SCN11A: variants seen among roughly 807,000 people sequenced by gnomAD.
The protein encoded by SCN11A is sodium channel protein type 11 subunit alpha.
SCN11A carries 122 observed loss-of-function variants against 162.2 expected under a neutral mutation model. The observed-to-expected ratio is 0.75, with a 90% CI of 0.65 to 0.87. SCN11A has a LOEUF of 0.87. Ranked by LOEUF, SCN11A falls within the 40% of genes least tolerant of loss-of-function variation. The pLI, the probability that SCN11A is intolerant of heterozygous loss-of-function variation, is 0.00. For missense variants in SCN11A, 2,015 were observed against 2,181.6 expected (o/e 0.92, Z 1.52); for synonymous variants, 758 against 751.5 (o/e 1.01, Z -0.14).
intron 2 of SCN11A, among the ~76,000 whole-genome samples, chr3:38,974,952 A>G (rs1408217046): frequency 6.6e-6 from 1 of 151,060 alleles, no homozygotes; most frequent in Non-Finnish European, 1.5e-5. Context: ...AGGCAACTAG[A>G]TTCTGAAAGC....
chr3:38,925,501 G>A lies in SCN11A; in HGVS notation c.626C>T (p.Ser209Leu). The change falls in exon 9 of 30, where the codon TCA becomes TTA. Residue 209 changes from serine (S) to leucine (L), a missense_variant. Physicochemically the swap from Ser to Leu is moderately radical, Grantham distance 145 (BLOSUM62 -2). Coordinates refer to ENST00000302328, the MANE Select transcript of SCN11A (RefSeq NM_001349253.2). ...TTTGATGGTGATTCCTGGAATATAT[G>A]ACACAATCCTACAAGACAAAGCACA... ...DSIVIGIAIV[S>L]YIPGITIKLL... 1 of 1,610,350 alleles carries A rather than the reference G, an allele frequency of 6.2e-7. No individual in the cohort carries two copies. The highest frequency in any genetic ancestry group is 1.3e-5 in the African/African-American group (1 of 74,942).
At chr3:38,885,515 G>A (rs2126108612) in intron 20 of SCN11A, 113 bp from the exon 21 acceptor site, 1 of 652,382 alleles carries the variant, frequency 1.5e-6, no homozygotes, top group Non-Finnish European at 2.7e-6. Context: ...ACTAGGCAAA[G>A]GTTTCTAGGA....
chr3:38,911,694 C>T (rs2065889514), intron 11 of SCN11A, among the ~76,000 whole-genome samples: 1 of 152,078 alleles, frequency 6.6e-6, no homozygotes, highest in Non-Finnish European at 1.5e-5. Context: ...CTTTTTCCTA[C>T]TTTCGGGGCT....
chr3:39,042,974 A>AAAAAAGAAAAAG (rs1553652698), intron 1 of SCN11A, among the ~76,000 whole-genome samples: 11 of 103,678 alleles, frequency 1.1e-4, no homozygotes, highest in African/African-American at 3.2e-4. Context: ...AAAAAAAAAA[A>AAAAAAGAAAAAG]AAAAAGAAAA....
At chr3:38,987,303 T>TCTCTCTCACA (rs1371432177) in intron 2 of SCN11A, among the ~76,000 whole-genome samples, 1 of 104,400 alleles carries the variant, frequency 9.6e-6, no homozygotes, top group Non-Finnish European at 2.0e-5. Context: ...TCTCTCTCTC[T>TCTCTCTCACA]CACACACACA....
intron 20 of SCN11A, 126 bp downstream of exon 20, chr3:38,885,999 T>G: frequency 1.6e-6 from 1 of 616,222 alleles, no homozygotes; most frequent in Non-Finnish European, 2.9e-6. Context: ...TGGCCTAGAC[T>G]TTTGCTCAAA....
rs1020437896 is a variant in SCN11A at position 38,999,319 on chromosome 3, G to A, written c.-280+33061C>T. 2.9e-4 allele frequency among the ~76,000 whole-genome samples: 44 copies of A among 152,140 alleles called. 1 individual carries two copies. Among genetic ancestry groups the A allele is most frequent in the African/African-American group, 1.0e-3 (43 of 41,432 alleles). On this transcript the variant is annotated intron_variant, in intron 2 of 29. Coordinates refer to ENST00000302328, the MANE Select transcript of SCN11A (RefSeq NM_001349253.2). ...GTTGAATCAAGACTCATTTTGGTGT[G>A]CTTTTTTTCTAAAAAACAAAATTGT...
chr3:38,851,617 T>C (rs767607739), intron 28 of SCN11A, among the ~76,000 whole-genome samples: 25 of 152,330 alleles, frequency 1.6e-4, no homozygotes, highest in East Asian at 1.5e-3. Flanking sequence ...AATTCAGACA[T>C]TGAAATTTTA....
chr3:38,943,698 G>T (rs1310159693), intron 7 of SCN11A, among the ~76,000 whole-genome samples: 1 of 152,110 alleles, frequency 6.6e-6, no homozygotes, highest in Non-Finnish European at 1.5e-5. Context: ...ATTCAGAAAT[G>T]AAAACATTAA....
chr3:39,018,344 G>C (rs2031350391), intron 2 of SCN11A, among the ~76,000 whole-genome samples: 1 of 151,774 alleles, frequency 6.6e-6, no homozygotes, highest in Non-Finnish European at 1.5e-5. Flanking sequence ...GAAAACTCCG[G>C]GTGTTTTTAT....
intron 2 of SCN11A, among the ~76,000 whole-genome samples, chr3:38,969,016 C>T (rs558346831): frequency 1.1e-4 from 17 of 152,216 alleles, no homozygotes; most frequent in Non-Finnish European, 1.9e-4. Flanking sequence ...ATGCCCGTCA[C>T]AGCCCCTACC....
chr3:38,899,849 A>G, intron 17 of SCN11A, 45 bp downstream of exon 17: 1 of 1,537,962 alleles, frequency 6.5e-7, no homozygotes, highest in Non-Finnish European at 8.9e-7. Flanking sequence ...CGTTTTTTCC[A>G]CTTAGGCAGC....
At chr3:38,968,803 C>T (rs1318106461) in intron 2 of SCN11A, among the ~76,000 whole-genome samples, 1 of 152,186 alleles carries the variant, frequency 6.6e-6, no homozygotes, top group African/African-American at 2.4e-5. Flanking sequence ...GTTTCTTCAT[C>T]TAGAAAATGG....
At position 38,866,307 on chromosome 3, in the gene SCN11A, C is replaced by A. The variant is rs192987898; in HGVS notation, c.3951+1014G>T. Among the ~76,000 whole-genome samples, 745 of 152,094 alleles carry A rather than the reference C, an allele frequency of 4.9e-3. 5 individuals carry two copies. Among genetic ancestry groups the A allele is most frequent in the Non-Finnish European group, 6.7e-3 (457 of 67,998 alleles). On this transcript the variant is annotated intron_variant, in intron 27 of 29. Coordinates refer to ENST00000302328, the MANE Select transcript of SCN11A (RefSeq NM_001349253.2). ...GATCTCGGCTTACTGCAACCTCTGC[C>A]TCCCAGGTTCAAGCAATTCTCCTGC...
chr3:38,860,455 C>A (rs565154130), intron 28 of SCN11A, among the ~76,000 whole-genome samples: 3 of 152,210 alleles, frequency 2.0e-5, no homozygotes, highest in South Asian at 2.1e-4. Flanking sequence ...AAACTACAGA[C>A]CAATATTCCT....
At chr3:38,966,139 G>A (rs779495120) in intron 2 of SCN11A, among the ~76,000 whole-genome samples, 4 of 152,156 alleles carry the variant, frequency 2.6e-5, no homozygotes, top group Admixed American at 6.5e-5. Flanking sequence ...TTTCCAGAAC[G>A]TTGCCATCAA....
Position 38,847,582 on chromosome 3 carries a change from A to G in SCN11A, c.4488T>C (p.Ser1496=), listed in dbSNP as rs1302379671. Residue 1496 remains serine (S), a synonymous_variant, in exon 30 of 30, where the codon TCT becomes TCC. Transcript: ENST00000302328. ...LLFALMMSLP[S]LFNIGLLLFL... ...AGAGTAGAAGACCAATGTTGAACAG[A>G]GAAGGAAGCGACATCATCAGAGCAA... The G allele has an allele frequency of 6.2e-7, 1 of 1,614,222 alleles. No individual in the cohort carries two copies. The highest frequency in any genetic ancestry group is 8.5e-7 in the Non-Finnish European group (1 of 1,180,036).
At chr3:38,987,303 T>TCTCACA (rs1371432177) in intron 2 of SCN11A, among the ~76,000 whole-genome samples, 71 of 104,474 alleles carry the variant, frequency 6.8e-4, no homozygotes, top group Non-Finnish European at 1.3e-3. Context: ...TCTCTCTCTC[T>TCTCACA]CACACACACA....
intron 1 of SCN11A, among the ~76,000 whole-genome samples, chr3:39,039,846 A>T (rs55677214): frequency 0.082 from 12,520 of 151,902 alleles, 729 homozygotes; most frequent in African/African-American, 0.16. Context: ...TACCTGAAAC[A>T]GTTCCCAGGG....
Sources: gnomAD v4.1 joint callset for allele counts (sites outside exome capture counted in the v4.1 genomes callset) on GRCh38, gnomAD v4.1.1 for gene constraint, MANE v1.5 for transcripts, NCBI Gene and HGNC (gene_info 2026-07-23, HGNC 2026-07-21) for gene names.